Variants in FRMD5 observed in about 807,000 individuals in gnomAD.
FRMD5 encodes FERM domain containing 5, also known as FERM domain-containing protein 5.
FRMD5 carries 20 observed loss-of-function variants against 69.0 expected under a neutral mutation model. The observed-to-expected ratio is 0.29, with a 90% CI of 0.20 to 0.42. FRMD5 has a LOEUF of 0.42. FRMD5 is among the 10% of genes least tolerant of loss of function. FRMD5 has a pLI of 1.00. For synonymous variants in FRMD5, 271 were observed against 260.1 expected (o/e 1.04, Z -0.40); for missense variants, 595 against 708.6 (o/e 0.84, Z 1.82).
chr15:44,142,667 G>A (rs2077291169), intron 1 of FRMD5, among the ~76,000 whole-genome samples: 2 of 152,170 alleles, frequency 1.3e-5, no homozygotes, highest in East Asian at 3.8e-4. Context: ...CCCTGGGGTG[G>A]AGAGGAATAT....
At chr15:43,937,270 C>T (rs1261047110) in intron 1 of FRMD5, among the ~76,000 whole-genome samples, 4 of 152,166 alleles carry the variant, frequency 2.6e-5, no homozygotes, top group Non-Finnish European at 5.9e-5. Context: ...ATAGAATTGG[C>T]TGCCAGCCTT....
intron 1 of FRMD5, among the ~76,000 whole-genome samples, chr15:44,024,454 A>G (rs1891346598): frequency 6.6e-6 from 1 of 152,160 alleles, no homozygotes; most frequent in African/African-American, 2.4e-5. Flanking sequence ...TCATTTAGCA[A>G]AACTACATGT....
intron 1 of FRMD5, among the ~76,000 whole-genome samples, chr15:44,184,431 C>T (rs866160306): frequency 4.6e-5 from 7 of 152,154 alleles, no homozygotes; most frequent in African/African-American, 1.7e-4. Flanking sequence ...GTTTGTACTG[C>T]CTCAATTAAC....
chr15:44,105,784 A>C (rs2076708180), intron 1 of FRMD5, among the ~76,000 whole-genome samples: 1 of 152,154 alleles, frequency 6.6e-6, no homozygotes, highest in Non-Finnish European at 1.5e-5. Flanking sequence ...GAAAACCCAT[A>C]ATTACTACTG....
chr15:43,925,683 G>A (rs2089572442), intron 1 of FRMD5, among the ~76,000 whole-genome samples: 1 of 152,146 alleles, frequency 6.6e-6, no homozygotes, highest in African/African-American at 2.4e-5. Context: ...GCTTCTCTCT[G>A]CACTCACCCA....
intron 1 of FRMD5, among the ~76,000 whole-genome samples, chr15:43,953,690 C>T (rs1220173320): frequency 1.3e-5 from 2 of 152,220 alleles, no homozygotes; most frequent in Non-Finnish European, 2.9e-5. Context: ...CTATAATTTA[C>T]ACTCCTGTGC....
chr15:43,874,589 C>G, intron 13 of FRMD5, 127 bp from the exon 14 acceptor site: 1 of 686,296 alleles, frequency 1.5e-6, no homozygotes, highest in Non-Finnish European at 2.6e-6. Context: ...AGCCACTGCA[C>G]TCTATTTTGA....
chr15:43,963,908 G>A (rs1216825535), intron 1 of FRMD5, among the ~76,000 whole-genome samples: 3 of 152,080 alleles, frequency 2.0e-5, no homozygotes, highest in Admixed American at 2.0e-4. Flanking sequence ...GACTGTTGTG[G>A]GGTTAGGGGA....
intron 1 of FRMD5, among the ~76,000 whole-genome samples, chr15:44,128,443 C>T (rs2077053684): frequency 6.6e-6 from 1 of 152,198 alleles, no homozygotes; most frequent in Non-Finnish European, 1.5e-5. Flanking sequence ...TGCCATTGCA[C>T]TCCAGCCTGG....
At chr15:44,191,808 T>C (rs951553524) in intron 1 of FRMD5, among the ~76,000 whole-genome samples, 2 of 149,810 alleles carry the variant, frequency 1.3e-5, no homozygotes, top group African/African-American at 4.9e-5. Context: ...TTCAGTATAC[T>C]GAGTTCAAAG....
Position 43,872,405 on chromosome 15 carries a change from T to G in FRMD5, c.*1480A>C, listed in dbSNP as rs2088183745. Reference sequence around the variant, plus strand: ...TGTGTGGGTCCAGGAATATGTCCATTGACCACCCTTAAATAAGCCCTCAAG... The same window carrying G: ...TGTGTGGGTCCAGGAATATGTCCATGGACCACCCTTAAATAAGCCCTCAAG... On this transcript the variant is annotated 3_prime_UTR_variant, in exon 14 of 14. Coordinates refer to ENST00000417257, the MANE Select transcript of FRMD5 (RefSeq NM_032892.5). 1 of 152,162 alleles carries G rather than the reference T, an allele frequency of 6.6e-6. No homozygotes were observed. The highest frequency in any genetic ancestry group is 1.5e-5 in the Non-Finnish European group (1 of 68,052). The allele number at this position is 152,162 out of a possible 1,614,324, so 9.4% of individuals were successfully genotyped here.
intron 1 of FRMD5, among the ~76,000 whole-genome samples, chr15:43,952,005 TG>T (rs1441613858): frequency 8.4e-6 from 1 of 119,702 alleles, no homozygotes; most frequent in Non-Finnish European, 1.7e-5. Context: ...TGTGTCTGTG[TG>T]TGTGTGTGTG....
chr15:44,134,969 G>T (rs942538673), intron 1 of FRMD5, among the ~76,000 whole-genome samples: 2 of 152,176 alleles, frequency 1.3e-5, no homozygotes, highest in Admixed American at 6.5e-5. Context: ...ACAAGAAATA[G>T]GTGGAAAGAT....
intron 1 of FRMD5, among the ~76,000 whole-genome samples, chr15:44,184,866 TATA>T (rs1449666817): frequency 4.0e-4 from 61 of 152,312 alleles, no homozygotes; most frequent in Non-Finnish European, 8.2e-4. Flanking sequence ...CATAATATTT[TATA>T]ATGACACACT....
chr15:43,877,907 G>A (rs1274294772), intron 13 of FRMD5, among the ~76,000 whole-genome samples: 5 of 152,186 alleles, frequency 3.3e-5, no homozygotes, highest in African/African-American at 7.2e-5. Flanking sequence ...AAGTCCTCAT[G>A]TTGTCAACAG....
At position 43,973,092 on chromosome 15, in the gene FRMD5, G is replaced by T. The variant is rs574096198; in HGVS notation, c.103-48783C>A. ...GGCTGGAGTGCAGTGGCGCGATCTC[G>T]GCTCACTGCAAGCACTGCCTCCCGG... On this transcript the variant is annotated intron_variant, in intron 1 of 13. Coordinates refer to ENST00000417257, the MANE Select transcript of FRMD5 (RefSeq NM_032892.5). 3.7e-3 allele frequency among the ~76,000 whole-genome samples: 562 copies of T among 150,422 alleles called. 7 individuals carry two copies. Among genetic ancestry groups the T allele is most frequent in the Non-Finnish European group, 2.5e-3 (170 of 67,610 alleles).
intron 7 of FRMD5, among the ~76,000 whole-genome samples, chr15:43,897,277 C>T (rs1434549892): frequency 6.6e-6 from 1 of 151,916 alleles, no homozygotes; most frequent in Non-Finnish European, 1.5e-5. Context: ...CACCTGAGGT[C>T]AGGAGTTTGA....
At chr15:44,186,792 C>G (rs564804623) in intron 1 of FRMD5, among the ~76,000 whole-genome samples, 3 of 152,218 alleles carry the variant, frequency 2.0e-5, no homozygotes, top group East Asian at 1.9e-4. Flanking sequence ...GGCATTCTGC[C>G]GAACACTGAT....
At chr15:44,141,994 T>C (rs1472763773) in intron 1 of FRMD5, among the ~76,000 whole-genome samples, 4 of 152,202 alleles carry the variant, frequency 2.6e-5, no homozygotes, top group African/African-American at 4.8e-5. Flanking sequence ...AGGCTTGTTG[T>C]CCTTGTCTGT....
Sources: gnomAD v4.1 joint callset for allele counts (sites outside exome capture counted in the v4.1 genomes callset) on GRCh38, gnomAD v4.1.1 for gene constraint, MANE v1.5 for transcripts, NCBI Gene and HGNC (gene_info 2026-07-23, HGNC 2026-07-21) for gene names.